ESR1: variants seen among roughly 807,000 people sequenced by gnomAD.
The protein encoded by ESR1 is estrogen receptor 1.
ESR1 carries 12 observed loss-of-function variants against 52.7 expected under a neutral mutation model. The ratio of observed to expected loss-of-function variants is 0.23; its 90% confidence interval spans 0.15 to 0.37. The LOEUF (loss-of-function observed/expected upper bound fraction) is 0.37. Among genes scored for constraint, ESR1 ranks in the 10% least tolerant of loss-of-function variants. The probability of loss-of-function intolerance (pLI) is 1.00; values close to 1 mark genes in which losing one functional copy is unlikely to be tolerated. For missense variants in ESR1, 584 were observed against 779.7 expected, an observed-to-expected ratio of 0.75 and a Z score of 2.99; for synonymous variants, 305 against 316.8, an observed-to-expected ratio of 0.96 and a Z score of 0.39.
intron 2 of ESR1, among the ~76,000 whole-genome samples, chr6:151,878,972 T>C (rs1792321888): frequency 6.6e-6 from 1 of 152,102 alleles, no homozygotes; most frequent in South Asian, 2.1e-4. Flanking sequence ...AAGAGGGTTG[T>C]GTTGGGAGCG....
In ESR1 at chr6:152,025,159, G is replaced by A. The variant is rs528564593; in HGVS notation, c.1235+13365G>A. On this transcript the variant is annotated intron_variant, in intron 5 of 7. Transcript: ENST00000206249. ...GTCATTATTGCATCAAAATTCATAAGAAAGTTTGGTGTCAAATTTGTGCTT... is the reference window on the plus strand; with the variant it reads ...GTCATTATTGCATCAAAATTCATAAAAAAGTTTGGTGTCAAATTTGTGCTT... 1.0e-4 allele frequency among the ~76,000 whole-genome samples: 15 copies of A among 149,024 alleles called. No individual in the cohort carries two copies. In the South Asian group the frequency reaches 3.2e-3, roughly 32 times the overall value.
At chr6:151,696,817 T>G (rs1412348997) in intron 1 of ESR1, among the ~76,000 whole-genome samples, 2 of 152,246 alleles carry the variant, frequency 1.3e-5, no homozygotes, top group Non-Finnish European at 2.9e-5. Flanking sequence ...GGTGAGGAAG[T>G]GTAAACAGAA....
In ESR1 at chr6:152,099,916, T is replaced by A; in HGVS notation, c.*950T>A. 2.5e-6 allele frequency: 1 copy of A among 398,544 alleles called. No individual in the cohort carries two copies. The highest frequency in any genetic ancestry group is 4.4e-6 in the Non-Finnish European group (1 of 226,226). The allele number at this position is 398,544 out of a possible 1,614,324, so 24.7% of individuals were successfully genotyped here. On this transcript the variant is annotated 3_prime_UTR_variant, in exon 8 of 8. Coordinates refer to ENST00000206249, the MANE Select transcript of ESR1 (RefSeq NM_000125.4). Reference sequence around the variant, plus strand: ...GTGAACTGTTCACTGTGGTGATGCATGATGAGGGTAAATGGTAGTTGAAAG... The same window carrying A: ...GTGAACTGTTCACTGTGGTGATGCAAGATGAGGGTAAATGGTAGTTGAAAG...
At chr6:151,966,153 A>C (rs1476407050) in intron 4 of ESR1, among the ~76,000 whole-genome samples, 1 of 152,200 alleles carries the variant, frequency 6.6e-6, no homozygotes, top group Non-Finnish European at 1.5e-5. Flanking sequence ...ATAGTTTGAC[A>C]GAGTATCAAA....
At chr6:151,970,664 C>G (rs1177252809) in intron 4 of ESR1, among the ~76,000 whole-genome samples, 1 of 152,134 alleles carries the variant, frequency 6.6e-6, no homozygotes, top group African/African-American at 2.4e-5. Context: ...GACCAGGACT[C>G]CTGTGCTTGA....
intron 2 of ESR1, among the ~76,000 whole-genome samples, chr6:151,871,688 A>AC (rs1363250935): frequency 2.0e-5 from 3 of 152,204 alleles, no homozygotes; most frequent in Non-Finnish European, 2.9e-5. Flanking sequence ...TACAGGCATG[A>AC]GCCACTGTGC....
intron 5 of ESR1, among the ~76,000 whole-genome samples, chr6:152,055,380 C>T (rs1287103624): frequency 6.6e-6 from 1 of 152,152 alleles, no homozygotes; most frequent in Admixed American, 6.5e-5. Context: ...GCGCTTCAGC[C>T]TTTCCCTCGT....
chr6:151,779,017 C>A (rs1273219450), intron 2 of ESR1, among the ~76,000 whole-genome samples: 2 of 151,922 alleles, frequency 1.3e-5, no homozygotes, highest in East Asian at 3.9e-4. Flanking sequence ...GGATGGATTA[C>A]AAAATTTTTC....
chr6:151,867,095 A>G (rs146478529), intron 2 of ESR1, among the ~76,000 whole-genome samples: 62 of 152,282 alleles, frequency 4.1e-4, no homozygotes, highest in African/African-American at 1.3e-3. Context: ...CCTTCCTTAC[A>G]CCTTATAAGA....
In ESR1 at chr6:151,940,181, G is replaced by C. The variant is rs139076699; in HGVS notation, c.761-3992G>C. Among the ~76,000 whole-genome samples the C allele has an allele frequency of 3.6e-4, 55 of 152,246 alleles. No homozygotes were observed. The East Asian group carries it at 7.7e-3, about 21-fold the overall frequency. ...AGAGTATATGCAAGGGAACTGCCCT[G>C]TATGAAACCATCAGATCTCATGAGA... On this transcript the variant is annotated intron_variant, in intron 3 of 7. Transcript: ENST00000206249.
intron 6 of ESR1, among the ~76,000 whole-genome samples, chr6:152,082,982 G>A (rs955488820): frequency 1.3e-5 from 2 of 152,108 alleles, no homozygotes; most frequent in Admixed American, 6.5e-5. Flanking sequence ...ACAAATGGAA[G>A]AACATTCCAT....
chr6:151,828,520 C>A (rs1781876791), intron 1 of ESR1, among the ~76,000 whole-genome samples: 1 of 152,044 alleles, frequency 6.6e-6, no homozygotes, highest in Non-Finnish European at 1.5e-5. Flanking sequence ...ACAGGCATGG[C>A]AGATTTGGGA....
intron 2 of ESR1, among the ~76,000 whole-genome samples, chr6:151,865,239 C>T (rs1562491395): frequency 6.6e-6 from 1 of 152,112 alleles, no homozygotes; most frequent in Non-Finnish European, 1.5e-5. Flanking sequence ...TTATTCTGTG[C>T]CTAGCTTTTC....
At chr6:151,990,999 C>T (rs953407784) in intron 4 of ESR1, among the ~76,000 whole-genome samples, 1 of 151,942 alleles carries the variant, frequency 6.6e-6, no homozygotes, top group East Asian at 1.9e-4. Context: ...CACACAATAC[C>T]ACCAGGAGAA....
At chr6:152,122,249 T>TC (rs2051562925) in intron 6 of ESR1, 1 of 843,030 alleles carries the variant, frequency 1.2e-6, no homozygotes, top group South Asian at 1.6e-5. Flanking sequence ...GTCTGTTTGT[T>TC]CCCCCGTCAC....
intron 3 of ESR1, among the ~76,000 whole-genome samples, chr6:151,915,859 CTCTCTCTCTCTA>C (rs1370128063): frequency 6.6e-6 from 1 of 151,990 alleles, no homozygotes; most frequent in African/African-American, 2.4e-5. Flanking sequence ...CTCTCTCTCT[CTCTCTCTCTCTA>C]TAGGAAACCA....
intron 1 of ESR1, among the ~76,000 whole-genome samples, chr6:151,684,112 T>C (rs1349776056): frequency 6.6e-6 from 1 of 152,024 alleles, no homozygotes; most frequent in African/African-American, 2.4e-5. Context: ...CAGTAGTGCT[T>C]GTTGCTAGAG....
At chr6:151,987,752 A>G (rs780129452) in intron 4 of ESR1, among the ~76,000 whole-genome samples, 74 of 152,102 alleles carry the variant, frequency 4.9e-4, no homozygotes, top group Non-Finnish European at 6.9e-4. Context: ...CCTCCAGTTG[A>G]TAGCACTTTT....
chr6:152,112,720 A>C (rs1272119056), intron 6 of ESR1: 1 of 152,296 alleles, frequency 6.6e-6, no homozygotes, highest in Admixed American at 6.5e-5. Context: ...GGCACTCCTG[A>C]TGTCAGCACC....
Sources: gnomAD v4.1 joint callset for allele counts (sites outside exome capture counted in the v4.1 genomes callset) on GRCh38, gnomAD v4.1.1 for gene constraint, MANE v1.5 for transcripts, NCBI Gene and HGNC (gene_info 2026-07-23, HGNC 2026-07-21) for gene names.